CCSER1: variants seen among roughly 807,000 people sequenced by gnomAD.
CCSER1 encodes serine-rich coiled-coil domain-containing protein 1.
CCSER1 carries 41 observed loss-of-function variants against 82.0 expected under a neutral mutation model. The ratio of observed to expected loss-of-function variants is 0.50; its 90% CI spans 0.39 to 0.65. CCSER1 has a LOEUF of 0.65. Ranked by LOEUF, CCSER1 falls within the 30% of genes least tolerant of loss-of-function variation. The pLI, the probability that CCSER1 is intolerant of heterozygous loss-of-function variation, is 0.00. For missense variants in CCSER1, 1,119 were observed against 1,064.2 expected (o/e 1.05, Z -0.72); for synonymous variants, 414 against 383.9 (o/e 1.08, Z -0.92).
chr4:91,143,284 A>C (rs1729213007), intron 10 of CCSER1, among the ~76,000 whole-genome samples: 1 of 151,428 alleles, frequency 6.6e-6, no homozygotes. Context: ...TCTCAACTTG[A>C]ACATTATTGG....
At chr4:90,336,774 T>TA (rs1740483049) in intron 3 of CCSER1, among the ~76,000 whole-genome samples, 1 of 152,194 alleles carries the variant, frequency 6.6e-6, no homozygotes, top group Non-Finnish European at 1.5e-5. Flanking sequence ...ATCCAATATG[T>TA]AAAAATACAC....
intron 1 of CCSER1, among the ~76,000 whole-genome samples, chr4:90,264,875 G>A (rs963398245): frequency 2.6e-4 from 39 of 151,950 alleles, no homozygotes; most frequent in Middle Eastern, 3.4e-3. Flanking sequence ...GAATTTATTC[G>A]TTTATAAAAA....
chr4:91,522,985 A>G (rs1376200371), intron 10 of CCSER1, among the ~76,000 whole-genome samples: 1 of 152,174 alleles, frequency 6.6e-6, no homozygotes, highest in Non-Finnish European at 1.5e-5. Context: ...GTTTTTGCCC[A>G]TTCAGTATGA....
intron 1 of CCSER1, among the ~76,000 whole-genome samples, chr4:90,242,225 T>C (rs1746995474): frequency 6.6e-6 from 1 of 152,188 alleles, no homozygotes; most frequent in African/African-American, 2.4e-5. Context: ...GAGAATCATC[T>C]GAGCATGGGA....
chr4:90,458,208 G>A lies in CCSER1; in HGVS notation c.1604-10026G>A, dbSNP rs569165628. 3.3e-5 allele frequency among the ~76,000 whole-genome samples: 5 copies of A among 152,212 alleles called. No individual in the cohort carries two copies. The South Asian group carries it at 1.0e-3, about 32-fold the overall frequency. On this transcript the variant is annotated intron_variant, in intron 4 of 10. Transcript: ENST00000509176. Reference sequence around the variant, plus strand: ...TAGGAGAGCCCCTCCAACTTGTAAGGGGGCAGGGCCTCCACCTGTTCCTCC... The same window carrying A: ...TAGGAGAGCCCCTCCAACTTGTAAGAGGGCAGGGCCTCCACCTGTTCCTCC...
chr4:91,078,426 G>A (rs181907418), intron 9 of CCSER1, among the ~76,000 whole-genome samples: 76 of 152,272 alleles, frequency 5.0e-4, no homozygotes, highest in African/African-American at 1.7e-3. Flanking sequence ...CCATCTGTAC[G>A]TCACCATCAT....
At chr4:91,088,963 G>C (rs1723664157) in intron 10 of CCSER1, among the ~76,000 whole-genome samples, 1 of 151,964 alleles carries the variant, frequency 6.6e-6, no homozygotes, top group Non-Finnish European at 1.5e-5. Flanking sequence ...CCAAAGGCCA[G>C]TTTTTGTTTA....
At chr4:90,832,286 A>G (rs564041175) in intron 8 of CCSER1, among the ~76,000 whole-genome samples, 3 of 152,266 alleles carry the variant, frequency 2.0e-5, no homozygotes, top group Admixed American at 1.3e-4. Context: ...TCAGTTGTAT[A>G]TATTCAACTA....
At chr4:91,008,176 G>A (rs778299753) in intron 9 of CCSER1, among the ~76,000 whole-genome samples, 5 of 152,206 alleles carry the variant, frequency 3.3e-5, no homozygotes, top group Non-Finnish European at 7.4e-5. Context: ...AATGTTCCAT[G>A]TATATGAGAG....
chr4:90,979,391 C>G (rs1735904604), intron 9 of CCSER1, among the ~76,000 whole-genome samples: 1 of 151,376 alleles, frequency 6.6e-6, no homozygotes, highest in African/African-American at 2.4e-5. Context: ...ACTCATGGAA[C>G]TTATAAAATA....
chr4:91,112,169 A>G (rs1726151291), intron 10 of CCSER1, among the ~76,000 whole-genome samples: 1 of 152,128 alleles, frequency 6.6e-6, no homozygotes, highest in African/African-American at 2.4e-5. Flanking sequence ...CTAAGCATGT[A>G]TCTGTAACTT....
intron 9 of CCSER1, among the ~76,000 whole-genome samples, chr4:91,020,063 A>G (rs1581352338): frequency 6.6e-6 from 1 of 152,194 alleles, no homozygotes; most frequent in South Asian, 2.1e-4. Context: ...AGTAAGAATT[A>G]TAATATACCT....
chr4:90,697,796 C>T (rs1737259355), intron 6 of CCSER1, among the ~76,000 whole-genome samples: 1 of 152,102 alleles, frequency 6.6e-6, no homozygotes, highest in Admixed American at 6.6e-5. Context: ...AAAGTCTTTT[C>T]ACCCTATACT....
chr4:91,244,522 CA>C (rs1739616697), intron 10 of CCSER1, among the ~76,000 whole-genome samples: 1 of 152,194 alleles, frequency 6.6e-6, no homozygotes, highest in Non-Finnish European at 1.5e-5. Context: ...GAGAAAAGAA[CA>C]AAAGTCTCTG....
chr4:90,885,930 C>T (rs1335637975), intron 8 of CCSER1, among the ~76,000 whole-genome samples: 1 of 152,022 alleles, frequency 6.6e-6, no homozygotes, highest in African/African-American at 2.4e-5. Flanking sequence ...TCAATCCTGT[C>T]ACTGACACTT....
At chr4:90,811,822 T>C (rs916601373) in intron 7 of CCSER1, among the ~76,000 whole-genome samples, 2 of 151,956 alleles carry the variant, frequency 1.3e-5, no homozygotes, top group Non-Finnish European at 2.9e-5. Flanking sequence ...GGAATACAGA[T>C]AATTCTGGAT....
chr4:90,819,322 G>T (rs925271858), intron 8 of CCSER1, among the ~76,000 whole-genome samples: 2 of 152,116 alleles, frequency 1.3e-5, no homozygotes, highest in African/African-American at 4.8e-5. Context: ...GGGAGTCAGG[G>T]CTTCAATACA....
intron 10 of CCSER1, among the ~76,000 whole-genome samples, chr4:91,122,446 G>A (rs1329796485): frequency 6.6e-6 from 1 of 151,226 alleles, no homozygotes; most frequent in Non-Finnish European, 1.5e-5. Flanking sequence ...CACATATTTT[G>A]TTGCCTCAGT....
At chr4:91,101,776 T>G (rs2148851844) in intron 10 of CCSER1, among the ~76,000 whole-genome samples, 1 of 152,266 alleles carries the variant, frequency 6.6e-6, no homozygotes, top group African/African-American at 2.4e-5. Flanking sequence ...ATCAAGAACT[T>G]CTGAACTCCT....
Sources: allele counts gnomAD v4.1 joint callset (sites outside exome capture counted in the v4.1 genomes callset), GRCh38; gene constraint gnomAD v4.1.1; transcripts MANE v1.5; gene names NCBI Gene and HGNC (gene_info 2026-07-23, HGNC 2026-07-21).